RELL1: variants seen among roughly 807,000 people sequenced by gnomAD.
RELL1 encodes the protein RELT like 1.
In RELL1, 10 loss-of-function variants were observed where a neutral mutation model predicts 23.0. That is an observed-to-expected ratio of 0.43 (90% confidence interval 0.27 to 0.74). The LOEUF is 0.74. Among genes scored for constraint, RELL1 ranks in the 30% least tolerant of loss-of-function variants. RELL1 has a pLI of 0.19. For synonymous variants in RELL1, 146 were observed against 146.8 expected, an observed-to-expected ratio of 0.99 and a Z score of 0.04; for missense variants, 315 against 364.4, an observed-to-expected ratio of 0.86 and a Z score of 1.10.
intron 6 of RELL1, among the ~76,000 whole-genome samples, chr4:37,626,567 G>A (rs1428325857): frequency 1.3e-5 from 2 of 152,154 alleles, no homozygotes; most frequent in African/African-American, 2.4e-5. Flanking sequence ...AAATCAGTAT[G>A]TCAAAGAGAT....
At chr4:37,605,877 G>GAAGAAAAGAAAGAGAAAGGAAAT (rs1278468568), downstream of RELL1, among the ~76,000 whole-genome samples, 2 of 141,650 alleles carry the variant, frequency 1.4e-5, no homozygotes, top group East Asian at 4.1e-4. Flanking sequence ...AGAAAGGAAA[G>GAAGAAAAGAAAGAGAAAGGAAAT]AAGGAAAGAA....
intron 1 of RELL1, among the ~76,000 whole-genome samples, chr4:37,669,118 G>C (rs1297716627): frequency 4.6e-5 from 6 of 131,404 alleles, no homozygotes; most frequent in African/African-American, 6.4e-5. Context: ...CCTCTGCCCG[G>C]CCGCCCCTAC....
chr4:37,647,358 A>G lies in RELL1; in HGVS notation c.385+10T>C, dbSNP rs747051453. ...TACTGAATTGTTTTGGAACACTAAA[A>G]TGTTCACACCTTCATTTTTCATGAT... On this transcript the variant is annotated intron_variant, in intron 3 of 6. Transcript: ENST00000454158. 5 of 1,600,076 alleles carry G rather than the reference A, an allele frequency of 3.1e-6. No homozygotes were observed. Among genetic ancestry groups the G allele is most frequent in the Non-Finnish European group, 3.4e-6 (4 of 1,167,412 alleles).
At position 37,602,418 on chromosome 4, in the gene RELL1, G is replaced by A. The variant is rs187827112; in HGVS notation, c.*4-11201C>T. Among the ~76,000 whole-genome samples the A allele has an allele frequency of 2.8e-3, 397 of 140,696 alleles. 2 individuals are homozygous for A. Among genetic ancestry groups the A allele is most frequent in the Non-Finnish European group, 2.6e-3 (165 of 62,622 alleles). The allele number at this position is 140,696 out of a possible 152,430, so 92.3% of individuals were successfully genotyped here. ...GGAGAAAATGGTTTATTGCTCTGGC[G>A]GCTAATGCTGTACCTTTAGCCATGG... On this transcript the variant is annotated intron_variant, in intron 6 of 6. Transcript: ENST00000314117.
intron 6 of RELL1, among the ~76,000 whole-genome samples, chr4:37,629,400 C>T (rs774225455): frequency 2.0e-5 from 3 of 152,314 alleles, no homozygotes; most frequent in Non-Finnish European, 4.4e-5. Flanking sequence ...GATCATAGTA[C>T]TAACCCCATT....
At chr4:37,636,903 C>T (rs920117223) in intron 4 of RELL1, among the ~76,000 whole-genome samples, 7 of 152,110 alleles carry the variant, frequency 4.6e-5, no homozygotes, top group Admixed American at 2.0e-4. Context: ...TTGAGGAGAC[C>T]GCCTCAAACA....
intron 1 of RELL1, among the ~76,000 whole-genome samples, chr4:37,663,337 A>G (rs547814386): frequency 2.0e-5 from 3 of 152,292 alleles, no homozygotes; most frequent in African/African-American, 7.2e-5. Flanking sequence ...GCCTCTGACT[A>G]ATGGCTCTTG....
chr4:37,597,313 C>T (rs1718889942), intron 6 of RELL1, among the ~76,000 whole-genome samples: 1 of 152,186 alleles, frequency 6.6e-6, no homozygotes, highest in South Asian at 2.1e-4. Flanking sequence ...CTAATCAAAA[C>T]TACACATTCC....
intron 6 of RELL1, among the ~76,000 whole-genome samples, chr4:37,603,750 T>G (rs543687467): frequency 6.6e-6 from 1 of 152,210 alleles, no homozygotes; most frequent in African/African-American, 2.4e-5. Context: ...TCTTCTTTCC[T>G]GGTGTGAGGA....
At chr4:37,649,093 T>G (rs11939095) in intron 2 of RELL1, among the ~76,000 whole-genome samples, 183 bp downstream of exon 2, 1 of 152,244 alleles carries the variant, frequency 6.6e-6, no homozygotes, top group Non-Finnish European at 1.5e-5. Flanking sequence ...TGGCAGGTAT[T>G]CAGTAATGAA....
At chr4:37,622,827 A>G (rs1310706173) in intron 6 of RELL1, 22 of 430,252 alleles carry the variant, frequency 5.1e-5, no homozygotes, top group Non-Finnish European at 9.1e-5. Flanking sequence ...TTTCTGAGAC[A>G]GAGTCTTGCT....
At chr4:37,618,610 T>TTGA (rs1257475667) in intron 6 of RELL1, among the ~76,000 whole-genome samples, 1 of 152,174 alleles carries the variant, frequency 6.6e-6, no homozygotes, top group Admixed American at 6.5e-5. Flanking sequence ...TAATCTCCCA[T>TTGA]TGATAGATGT....
chr4:37,649,334 G>A lies in RELL1; in HGVS notation c.255C>T (p.Gly85=). 6.2e-7 allele frequency: 1 copy of A among 1,614,190 alleles called. No homozygotes were observed. The highest frequency in any genetic ancestry group is 8.5e-7 in the Non-Finnish European group (1 of 1,180,034). The change falls in exon 2 of 7, where the codon GGC becomes GGT. Residue 85 remains glycine, a synonymous_variant. Coordinates refer to ENST00000454158, the MANE Select transcript of RELL1 (RefSeq NM_001085400.2). ...VLICHLLKKK[G]YRCTTEAEQD... is the part of the protein sequence containing the mutation. Reference sequence around the variant, plus strand: ...GCTCTGCTTCTGTTGTACAACGATAGCCTTTCTTCTTAAGCAGGTGGCAAA... The same window carrying A: ...GCTCTGCTTCTGTTGTACAACGATAACCTTTCTTCTTAAGCAGGTGGCAAA...
At chr4:37,639,756 A>G (rs1720460424) in intron 3 of RELL1, among the ~76,000 whole-genome samples, 1 of 152,234 alleles carries the variant, frequency 6.6e-6, no homozygotes, top group Non-Finnish European at 1.5e-5. Context: ...AACCACAACA[A>G]TTCTCTAGAG....
intron 4 of RELL1, 98 bp from the exon 5 acceptor site, chr4:37,635,221 A>G (rs1713751733): frequency 2.0e-6 from 2 of 982,568 alleles, no homozygotes; most frequent in South Asian, 2.9e-5. Context: ...TTAAATTGAA[A>G]GAAAAAAAAA....
chr4:37,610,414 C>T (rs1021821786), downstream of RELL1, among the ~76,000 whole-genome samples: 2 of 152,064 alleles, frequency 1.3e-5, no homozygotes, highest in African/African-American at 2.4e-5. This position sits in a 1 kb window ranked among gnomAD's most constrained non-coding sequence, Gnocchi z 4.1. Context: ...TGCAGTAGGC[C>T]GGGGCTGAAC....
At chr4:37,620,675 CAGAGTTCAGCTAACTG>C (rs775572967) in intron 6 of RELL1, among the ~76,000 whole-genome samples, 2 of 152,190 alleles carry the variant, frequency 1.3e-5, no homozygotes, top group Non-Finnish European at 2.9e-5. Flanking sequence ...GTGAGCTAGA[CAGAGTTCAGCTAACTG>C]GCCTTCAGTA....
chr4:37,623,099 G>A lies in RELL1; in HGVS notation c.*3+8286C>T, dbSNP rs6841326. Reference sequence around the variant, plus strand: ...ATTACAGGTGTGAGCCACCGCACCCGGCCAAGAAATACTTTTTAAAGATAT... The same window carrying A: ...ATTACAGGTGTGAGCCACCGCACCCAGCCAAGAAATACTTTTTAAAGATAT... On this transcript the variant is annotated intron_variant, in intron 6 of 6. Transcript: ENST00000454158. 9.1e-3 allele frequency: 2,864 copies of A among 314,464 alleles called. 94 individuals are homozygous for A. The highest frequency in any genetic ancestry group is 0.06 in the African/African-American group (2,670 of 44,296). The allele number at this position is 314,464 out of a possible 1,614,324, so 19.5% of individuals were successfully genotyped here. A position where few individuals can be genotyped will look rare whatever the true frequency, so the allele number is the denominator to read the frequency against.
chr4:37,591,840 A>C (rs78927008), intron 6 of RELL1: 1 of 152,184 alleles, frequency 6.6e-6, no homozygotes, highest in Non-Finnish European at 1.5e-5. Flanking sequence ...GTGTCTTTCT[A>C]GAAGTCTTAA....
Sources: allele counts gnomAD v4.1 joint callset (sites outside exome capture counted in the v4.1 genomes callset), GRCh38; gene constraint gnomAD v4.1.1; non-coding constraint Gnocchi (gnomAD v3.1); transcripts MANE v1.5; gene names NCBI Gene and HGNC (gene_info 2026-07-23, HGNC 2026-07-21).